The following HAVCR1 variants were observed in gnomAD, a reference collection of about 807,000 sequenced individuals.
HAVCR1 encodes hepatitis A virus cellular receptor 1, also known as T cell immunoglobin domain and mucin domain protein 1.
A neutral mutation model predicts 32.0 loss-of-function variants in HAVCR1; 34 were observed. The observed-to-expected ratio is 1.06, with a 90% CI of 0.81 to 1.42. HAVCR1 has a LOEUF of 1.42. Ranked by LOEUF, HAVCR1 falls within the 40% of genes most tolerant of loss-of-function variation. HAVCR1 has a pLI of 0.00. For synonymous variants in HAVCR1, 178 were observed against 170.3 expected (o/e 1.05, Z -0.35); for missense variants, 420 against 442.3 (o/e 0.95, Z 0.45).
At chr5:157,067,942 T>A in the HAVCR1 span, among the ~76,000 whole-genome samples, 1 of 150,664 alleles carries the variant, frequency 6.6e-6, no homozygotes. Flanking sequence ...CCTCCCAAAG[T>A]GCTGGGATTA....
chr5:157,054,190 CAAAAAA>C (rs900551230), intron 3 of HAVCR1, among the ~76,000 whole-genome samples: 18 of 42,206 alleles, frequency 4.3e-4, no homozygotes, highest in East Asian at 7.3e-4. Context: ...GACTCCATCT[CAAAAAA>C]AAAAAAAAAA....
At chr5:157,063,915 C>T (rs909557350), upstream of HAVCR1, among the ~76,000 whole-genome samples, 3 of 152,202 alleles carry the variant, frequency 2.0e-5, no homozygotes, top group Admixed American at 6.5e-5. Flanking sequence ...CAGGAGGGTG[C>T]CTGGTGTGTT....
At chr5:157,036,851 TG>T (rs1754562951) in intron 7 of HAVCR1, among the ~76,000 whole-genome samples, 1 of 151,192 alleles carries the variant, frequency 6.6e-6, no homozygotes, top group Non-Finnish European at 1.5e-5. Context: ...CTTTTTTTAA[TG>T]GTTTTTTTGT....
At chr5:157,054,212 A>C (rs901530270) in intron 3 of HAVCR1, among the ~76,000 whole-genome samples, 223 of 150,938 alleles carry the variant, frequency 1.5e-3, no homozygotes, top group South Asian at 1.7e-3. Context: ...AAAAAAAAAA[A>C]ACAAAGGCCC....
intron 7 of HAVCR1, among the ~76,000 whole-genome samples, chr5:157,033,164 A>T (rs1179474492): frequency 9.5e-5 from 7 of 73,970 alleles, no homozygotes; most frequent in African/African-American, 9.1e-4. Flanking sequence ...CATTTTTTTA[A>T]AAAAAATGAG....
intron 8 of HAVCR1, 110 bp from the exon 9 acceptor site, chr5:157,029,951 T>C (rs2113459902): frequency 3.9e-6 from 3 of 760,234 alleles, no homozygotes; most frequent in East Asian, 2.7e-5. Flanking sequence ...TATTCGAGAC[T>C]CCAGGAGCCC....
intron 5 of HAVCR1, among the ~76,000 whole-genome samples, chr5:157,044,460 AAAGAAAGAAAGGAAGGAAGG>A (rs1755152787): frequency 1.3e-5 from 1 of 74,218 alleles, no homozygotes; most frequent in Non-Finnish European, 2.7e-5. Flanking sequence ...AGAAAGAAAG[AAAGAAAGAAAGGAAGGAAGG>A]AAGGAAGGAA....
rs1210307522 is a variant in HAVCR1 at position 157,055,305 on chromosome 5, A to G, written c.275T>C (p.Ile92Thr). 1.2e-6 allele frequency: 2 copies of G among 1,613,110 alleles called. No individual in the cohort carries two copies. The highest frequency in any genetic ancestry group is 1.3e-5 in the African/African-American group (1 of 74,902). The part of the protein sequence containing the change: ...DLSRRDVSLT[I>T]ENTAVSDSGV... ...ACTGTCAGACACAGCTGTATTTTCT[A>G]TGGTCAAAGAGACATCCCTTCTTGA... The change falls in exon 3 of 9, where the codon ATA becomes ACA. Residue 92 changes from isoleucine to threonine, a missense_variant. Ile to Thr is a moderately conservative substitution (Grantham distance 89). Coordinates refer to ENST00000523175, the MANE Select transcript of HAVCR1 (RefSeq NM_001173393.3).
chr5:157,065,135 C>T, the HAVCR1 span, among the ~76,000 whole-genome samples: 1 of 151,956 alleles, frequency 6.6e-6, no homozygotes, highest in Non-Finnish European at 1.5e-5. Context: ...CTGGGTAACA[C>T]GATGAAACCC....
upstream of HAVCR1, among the ~76,000 whole-genome samples, chr5:157,063,677 C>T (rs1183435744): frequency 6.6e-6 from 1 of 152,134 alleles, no homozygotes; most frequent in Non-Finnish European, 1.5e-5. Context: ...TTGAGGAATG[C>T]TAATGCAAAA....
At chr5:157,050,047 G>C (rs1038372088) in intron 4 of HAVCR1, among the ~76,000 whole-genome samples, 1 of 152,174 alleles carries the variant, frequency 6.6e-6, no homozygotes, top group South Asian at 2.1e-4. Flanking sequence ...GAGTCAATTA[G>C]TGACGGTGAC....
chr5:157,031,551 C>A (rs561870693), intron 8 of HAVCR1, among the ~76,000 whole-genome samples: 3 of 152,038 alleles, frequency 2.0e-5, no homozygotes, highest in African/African-American at 7.2e-5. Context: ...GGGCCAGGTG[C>A]GGTCCCTCAC....
chr5:157,063,353 T>G (rs1756532017), upstream of HAVCR1, among the ~76,000 whole-genome samples: 1 of 146,992 alleles, frequency 6.8e-6, no homozygotes, highest in Non-Finnish European at 1.5e-5. Context: ...TGGCACGATC[T>G]CAGCTCACTG....
intron 5 of HAVCR1, among the ~76,000 whole-genome samples, chr5:157,044,405 G>A (rs1325370877): frequency 6.1e-5 from 2 of 32,664 alleles, no homozygotes; most frequent in African/African-American, 1.1e-4. Context: ...AGGAAGGAAG[G>A]AAGGAAGGAA....
At chr5:157,064,352 A>AAAG in the HAVCR1 span, among the ~76,000 whole-genome samples, 78,799 of 144,706 alleles carry the variant, frequency 0.54, 23,093 homozygotes, top group East Asian at 0.84. Flanking sequence ...AAAAAAAAAA[A>AAAG]AAAGAAAGAA....
intron 6 of HAVCR1, among the ~76,000 whole-genome samples, chr5:157,039,896 C>T (rs1754772353): frequency 6.6e-6 from 1 of 152,148 alleles, no homozygotes; most frequent in Non-Finnish European, 1.5e-5. Context: ...CATCTTCAGT[C>T]AAGGCACAGA....
chr5:157,063,779 GT>G (rs1756543573), upstream of HAVCR1, among the ~76,000 whole-genome samples: 1 of 152,202 alleles, frequency 6.6e-6, no homozygotes, highest in South Asian at 2.1e-4. Flanking sequence ...AGGTGGTCAG[GT>G]TTGAATAGTC....
the HAVCR1 span, among the ~76,000 whole-genome samples, chr5:157,066,055 T>TAAAAAAAAAAAAA: frequency 4.9e-4 from 33 of 66,904 alleles, no homozygotes; most frequent in South Asian, 1.5e-3. Context: ...GACTCCGTCT[T>TAAAAAAAAAAAAA]AAAAAAAAAA....
Position 157,038,997 on chromosome 5 carries a change from T to G in HAVCR1, c.838-1636A>C, listed in dbSNP as rs927500421. Among the ~76,000 whole-genome samples the G allele has an allele frequency of 5.3e-5, 8 of 152,148 alleles. No individual in the cohort carries two copies. The South Asian group carries it at 1.7e-3, about 32-fold the overall frequency. ...GGCCAGGCGTGGTGATGCATGCCTG[T>G]GGTCCCAGCTACTTGGGAGGCTTGG... On this transcript the variant is annotated intron_variant, in intron 6 of 8. Transcript: ENST00000523175.
Sources: gnomAD v4.1 joint callset for allele counts (sites outside exome capture counted in the v4.1 genomes callset) on GRCh38, gnomAD v4.1.1 for gene constraint, MANE v1.5 for transcripts, NCBI Gene and HGNC (gene_info 2026-07-23, HGNC 2026-07-21) for gene names.